Variants in LYPD6B observed in about 807,000 individuals in gnomAD.
The protein encoded by LYPD6B is ly6/PLAUR domain-containing protein 6B.
LYPD6B carries 17 observed loss-of-function variants against 22.8 expected under a neutral mutation model. That is an observed-to-expected ratio of 0.75 (90% CI 0.51 to 1.12). The LOEUF is 1.12. Among genes scored for constraint, LYPD6B ranks in the 50% most tolerant of loss-of-function variants. The pLI, the probability that LYPD6B is intolerant of heterozygous loss-of-function variation, is 0.00. For missense variants in LYPD6B, 221 were observed against 258.3 expected (o/e 0.86, Z 0.99); for synonymous variants, 106 against 91.6 (o/e 1.16, Z -0.90).
At chr2:149,064,872 G>C (rs1684252570) in intron 1 of LYPD6B, among the ~76,000 whole-genome samples, 1 of 152,204 alleles carries the variant, frequency 6.6e-6, no homozygotes, top group Non-Finnish European at 1.5e-5. Flanking sequence ...CTTCCTTAGG[G>C]TGTAAGGAAA....
At chr2:149,208,192 G>A (rs1053436187) in intron 4 of LYPD6B, 122 bp from the exon 5 acceptor site, 2 of 652,724 alleles carry the variant, frequency 3.1e-6, no homozygotes, top group African/African-American at 1.8e-5. Context: ...AACAGTAATT[G>A]TAAGGATGAA....
At chr2:149,065,197 T>A (rs553133271) in intron 1 of LYPD6B, among the ~76,000 whole-genome samples, 6 of 152,308 alleles carry the variant, frequency 3.9e-5, no homozygotes, top group African/African-American at 1.4e-4. Flanking sequence ...CTCCTATTCT[T>A]AGACATCCAA....
At chr2:149,043,166 G>A (rs955523276) in intron 1 of LYPD6B, among the ~76,000 whole-genome samples, 2 of 152,146 alleles carry the variant, frequency 1.3e-5, no homozygotes, top group Non-Finnish European at 1.5e-5. Context: ...TTTAAAAGAA[G>A]AGAAAATAAA....
intron 1 of LYPD6B, among the ~76,000 whole-genome samples, chr2:149,041,892 A>G (rs920879247): frequency 6.6e-6 from 1 of 152,152 alleles, no homozygotes; most frequent in African/African-American, 2.4e-5. Context: ...CATACTCCCA[A>G]TAGTAATAGC....
chr2:149,175,047 C>CTGTG (rs1164113119), intron 3 of LYPD6B, among the ~76,000 whole-genome samples: 2 of 134,080 alleles, frequency 1.5e-5, no homozygotes, highest in Non-Finnish European at 3.2e-5. Context: ...CTCTCTCTCT[C>CTGTG]TCTCTCTCTC....
In LYPD6B at chr2:149,083,285, G is replaced by A. The variant is rs377583004; in HGVS notation, c.-67+44484G>A. ...CACCCCTAAATACTTGAGATGCATC[G>A]CCTGAGGACATTCTCCCTACATTAC... On this transcript the variant is annotated intron_variant, in intron 1 of 6. Transcript: ENST00000409642. Among the ~76,000 whole-genome samples, 22 of 152,226 alleles carry A rather than the reference G, an allele frequency of 1.4e-4. No homozygotes were observed. In the South Asian group the frequency reaches 3.3e-3, roughly 23 times the overall value.
chr2:149,150,725 G>A (rs184097885), intron 2 of LYPD6B, among the ~76,000 whole-genome samples: 296 of 151,934 alleles, frequency 1.9e-3, no homozygotes, highest in African/African-American at 6.9e-3. Flanking sequence ...TACTTTAGTC[G>A]TAAAAAATTA....
intron 1 of LYPD6B, among the ~76,000 whole-genome samples, chr2:149,109,058 A>C (rs147598219): frequency 6.6e-6 from 1 of 152,302 alleles, no homozygotes; most frequent in East Asian, 1.9e-4. Context: ...TTGTTTAAAC[A>C]GTCAGATATT....
rs1484660137 is a variant in LYPD6B at position 149,097,988 on chromosome 2, T to C, written c.-66-32895T>C. On this transcript the variant is annotated intron_variant, in intron 1 of 6. Coordinates refer to ENST00000409642, the MANE Select transcript of LYPD6B (RefSeq NM_177964.5). The stretch of plus-strand genomic sequence containing the variant: ...ATAGAAAAATAATCATTGAGTGAAA[T>C]ACTACACTTTTTTATTACTTTGGAC... Among the ~76,000 whole-genome samples the C allele has an allele frequency of 5.3e-5, 8 of 152,150 alleles. No homozygotes were observed. In the East Asian group the frequency reaches 1.5e-3, roughly 29 times the overall value.
At position 149,061,633 on chromosome 2, in the gene LYPD6B, G is replaced by A. The variant is rs1249038846; in HGVS notation, c.-67+22832G>A. ...ATTCCCCGGGGCTTTGGAGGATGGGGGCAGTGATGGAAGGAGTCAAATACC... is the reference window on the plus strand; with the variant it reads ...ATTCCCCGGGGCTTTGGAGGATGGGAGCAGTGATGGAAGGAGTCAAATACC... On this transcript the variant is annotated intron_variant, in intron 1 of 6. Transcript: ENST00000409642. Among the ~76,000 whole-genome samples the A allele has an allele frequency of 2.6e-5, 4 of 151,998 alleles. No homozygotes were observed. The South Asian group carries it at 6.2e-4, about 24-fold the overall frequency.
chr2:149,099,145 C>T lies in LYPD6B; in HGVS notation c.-66-31738C>T, dbSNP rs369900931. Among the ~76,000 whole-genome samples, 54 of 152,298 alleles carry T rather than the reference C, an allele frequency of 3.5e-4. No homozygotes were observed. The South Asian group carries it at 4.1e-3, about 12-fold the overall frequency. Reference sequence around the variant, plus strand: ...ATCTCTTCAGAGAGGGACACAGGCACTTGTCTTAAATCTGTTTCTTCACAG... The same window carrying T: ...ATCTCTTCAGAGAGGGACACAGGCATTTGTCTTAAATCTGTTTCTTCACAG... On this transcript the variant is annotated intron_variant, in intron 1 of 6. Coordinates refer to ENST00000409642, the MANE Select transcript of LYPD6B (RefSeq NM_177964.5).
chr2:149,057,578 C>T (rs1468595687), intron 1 of LYPD6B, among the ~76,000 whole-genome samples: 1 of 152,032 alleles, frequency 6.6e-6, no homozygotes, highest in Non-Finnish European at 1.5e-5. Flanking sequence ...CCCCTCCAGT[C>T]CCTACGATTA....
chr2:149,183,618 T>C (rs1691893004), intron 3 of LYPD6B, among the ~76,000 whole-genome samples: 1 of 152,142 alleles, frequency 6.6e-6, no homozygotes, highest in Non-Finnish European at 1.5e-5. Flanking sequence ...ATACATGTAG[T>C]AGAGTTAGTA....
chr2:149,042,411 A>G (rs1683123410), intron 1 of LYPD6B, among the ~76,000 whole-genome samples: 1 of 152,212 alleles, frequency 6.6e-6, no homozygotes, highest in Non-Finnish European at 1.5e-5. Flanking sequence ...TCTATCCTCA[A>G]TATCTAGTTA....
At chr2:149,075,425 C>T (rs1024437193) in intron 1 of LYPD6B, among the ~76,000 whole-genome samples, 2 of 152,180 alleles carry the variant, frequency 1.3e-5, no homozygotes, top group African/African-American at 4.8e-5. Flanking sequence ...TTACTGAACA[C>T]ATTTCTGGCC....
At chr2:149,131,254 C>T in intron 2 of LYPD6B, 1 of 351,676 alleles carries the variant, frequency 2.8e-6, no homozygotes, top group South Asian at 5.0e-5. Context: ...ATCTTGTATG[C>T]TTTTATGTTA....
rs143988400 is a variant in LYPD6B, at chr2:149,144,370, CTAGT to C, written c.5+13419_5+13422del. Among the ~76,000 whole-genome samples the C allele has an allele frequency of 9.4e-3, 1,432 of 152,092 alleles. 10 individuals are homozygous for C. The highest frequency in any genetic ancestry group is 0.014 in the Non-Finnish European group (953 of 67,960). ...TCTATCTGGCCCTTTAGATGAAAGA[CTAGT>C]TTTTTTTGTTTGTTTTTGTTTGTTT... is the stretch of plus-strand genomic sequence containing the variant. On this transcript the variant is annotated intron_variant, in intron 2 of 6. Coordinates refer to ENST00000409642, the MANE Select transcript of LYPD6B (RefSeq NM_177964.5).
intron 3 of LYPD6B, among the ~76,000 whole-genome samples, chr2:149,187,986 G>A (rs1325838882): frequency 6.6e-6 from 1 of 152,188 alleles, no homozygotes; most frequent in African/African-American, 2.4e-5. Context: ...ATTTTTCAAA[G>A]TTTTAGCTGG....
intron 6 of LYPD6B, among the ~76,000 whole-genome samples, chr2:149,213,587 C>T (rs540906571): frequency 6.6e-6 from 1 of 152,162 alleles, no homozygotes; most frequent in Non-Finnish European, 1.5e-5. Context: ...CCTTTATATG[C>T]CTGGAATTCT....
Sources: allele counts gnomAD v4.1 joint callset (sites outside exome capture counted in the v4.1 genomes callset), GRCh38; gene constraint gnomAD v4.1.1; transcripts MANE v1.5; gene names NCBI Gene and HGNC (gene_info 2026-07-23, HGNC 2026-07-21).